RBM45: variants seen among roughly 807,000 people sequenced by gnomAD.
The protein encoded by RBM45 is RNA-binding protein 45.
A neutral mutation model predicts 58.5 loss-of-function variants in RBM45; 39 were observed. That is an observed-to-expected ratio of 0.67 (90% confidence interval 0.52 to 0.87). The LOEUF is 0.87. Among genes scored for constraint, RBM45 ranks in the 40% least tolerant of loss-of-function variants. The pLI is 0.00. For synonymous variants in RBM45, 193 were observed against 203.0 expected (o/e 0.95, Z 0.42); for missense variants, 481 against 581.6 (o/e 0.83, Z 1.78).
chr2:178,116,166 AAAAAGTC>A, intron 1 of RBM45, 89 bp from the exon 2 acceptor site: 1 of 1,454,892 alleles, frequency 6.9e-7, no homozygotes, highest in South Asian at 1.5e-5. Flanking sequence ...AAAGATTAAA[AAAAAGTC>A]ATTGCAAGAA....
chr2:178,130,892 A>G (rs774429910), downstream of RBM45, among the ~76,000 whole-genome samples: 1 of 152,228 alleles, frequency 6.6e-6, no homozygotes, highest in Non-Finnish European at 1.5e-5. Context: ...CTTCACAGGC[A>G]AAACTGCTGA....
intron 1 of RBM45, among the ~76,000 whole-genome samples, chr2:178,113,217 C>T (rs944055845): frequency 6.6e-6 from 1 of 152,214 alleles, no homozygotes; most frequent in East Asian, 1.9e-4. Flanking sequence ...TCTGACCTTC[C>T]TCTCTCAGAT....
At chr2:178,126,997 C>T (rs1407890244) in intron 9 of RBM45, among the ~76,000 whole-genome samples, 2 of 151,880 alleles carry the variant, frequency 1.3e-5, no homozygotes, top group South Asian at 2.1e-4. Flanking sequence ...AGTGCAGTGG[C>T]GAGATCTCGA....
At chr2:178,128,789 C>T (rs1025905563) in intron 9 of RBM45, among the ~76,000 whole-genome samples, 1 of 152,102 alleles carries the variant, frequency 6.6e-6, no homozygotes, top group African/African-American at 2.4e-5. Context: ...CTGCGGATCT[C>T]CTATTTACAA....
intron 5 of RBM45, 112 bp downstream of exon 5, chr2:178,121,471 AG>A (rs1373998995): frequency 1.8e-6 from 1 of 540,670 alleles, no homozygotes; most frequent in African/African-American, 2.0e-5. Flanking sequence ...GCTTTTCTCT[AG>A]TGGCACTTTT....
intron 2 of RBM45, among the ~76,000 whole-genome samples, chr2:178,116,867 G>A (rs895509246): frequency 6.6e-6 from 1 of 152,002 alleles, no homozygotes; most frequent in African/African-American, 2.4e-5. Context: ...GGCCTATGGT[G>A]TGTTGACATG....
At chr2:178,137,674 G>A (rs1574418466) in exon 4 of RBM45, 2 of 152,212 alleles carry the variant, frequency 1.3e-5, no homozygotes, top group South Asian at 4.1e-4. Flanking sequence ...GAATGGGGGA[G>A]TTCACAAAGG....
downstream of RBM45, chr2:178,129,730 T>C (rs2087985361): frequency 6.5e-6 from 1 of 152,692 alleles, no homozygotes; most frequent in African/African-American, 2.4e-5. Context: ...CTAAATGACA[T>C]ATGTCATTGA....
chr2:178,113,293 A>T (rs2105896514), intron 1 of RBM45, among the ~76,000 whole-genome samples: 1 of 124,790 alleles, frequency 8.0e-6, no homozygotes, highest in East Asian at 2.4e-4. Context: ...TGAGGCGTTA[A>T]CAACTTGACA....
chr2:178,117,441 C>T (rs1196227132), intron 2 of RBM45, among the ~76,000 whole-genome samples: 4 of 152,068 alleles, frequency 2.6e-5, no homozygotes, highest in African/African-American at 9.7e-5. Flanking sequence ...AAAGTAAACA[C>T]TACTGCATGT....
rs749506136 is a variant in RBM45 at position 178,126,020 on chromosome 2, A to G, written c.1269A>G (p.Ser423=). 2.5e-6 allele frequency: 4 copies of G among 1,613,868 alleles called. No individual in the cohort carries two copies. The highest frequency in any genetic ancestry group is 3.3e-5 in the Admixed American group (2 of 59,932). ...ACCTGATCGAAGTTTACCTTGTGTC[A>G]GGAAAAAATGTGGGGTATGCCAAGT... The part of the protein sequence containing the change: ...FGNLIEVYLV[S]GKNVGYAKYA... Residue 423 remains serine (S), a synonymous_variant, in exon 9 of 10, where the codon TCA becomes TCG. Coordinates refer to ENST00000286070, the MANE Select transcript of RBM45 (RefSeq NM_152945.4).
downstream of RBM45, among the ~76,000 whole-genome samples, chr2:178,132,433 G>C (rs1464674801): frequency 6.6e-6 from 1 of 152,186 alleles, no homozygotes; most frequent in African/African-American, 2.4e-5. Context: ...ATCCTATTCA[G>C]TATGAATGAA....
At chr2:178,114,501 T>C (rs942998965) in intron 1 of RBM45, among the ~76,000 whole-genome samples, 1 of 152,196 alleles carries the variant, frequency 6.6e-6, no homozygotes, top group African/African-American at 2.4e-5. Flanking sequence ...GAAATAAACT[T>C]TACTATTTTC....
chr2:178,117,983 A>C, intron 2 of RBM45, 72 bp from the exon 3 acceptor site: 4 of 1,322,508 alleles, frequency 3.0e-6, no homozygotes, highest in South Asian at 2.2e-5. Flanking sequence ...CATATAAACA[A>C]ATTTTTAGTT....
chr2:178,127,099 G>A (rs1474387169), intron 9 of RBM45, among the ~76,000 whole-genome samples: 1 of 152,056 alleles, frequency 6.6e-6, no homozygotes, highest in Non-Finnish European at 1.5e-5. Flanking sequence ...ACCACGCCTG[G>A]CTAATTTTTT....
chr2:178,122,836 T>C (rs1405786754), intron 5 of RBM45, among the ~76,000 whole-genome samples: 1 of 152,204 alleles, frequency 6.6e-6, no homozygotes, highest in Non-Finnish European at 1.5e-5. Flanking sequence ...TGAACATAAA[T>C]TATAAGTGTT....
chr2:178,112,759 C>T lies in RBM45; in HGVS notation c.213C>T (p.Val71=). 1 of 1,614,032 alleles carries T rather than the reference C, an allele frequency of 6.2e-7. No individual in the cohort carries two copies. The highest frequency in any genetic ancestry group is 2.2e-5 in the East Asian group (1 of 44,872). The change falls in exon 1 of 10, where the codon GTC becomes GTT. Residue 71 remains valine (V), a synonymous_variant. Coordinates refer to ENST00000286070, the MANE Select transcript of RBM45 (RefSeq NM_152945.4). The stretch of plus-strand genomic sequence containing the variant: ...AGGAGTCCAAGGGCATTGCTTTCGT[C>T]AAGTTCGCCCGCAGCTCACAGGCCT... ...HTKESKGIAF[V]KFARSSQACR...
At chr2:178,137,270 A>C (rs1272125952) in exon 4 of RBM45, 1 of 152,358 alleles carries the variant, frequency 6.6e-6, no homozygotes, top group East Asian at 1.9e-4. Flanking sequence ...GTGTGAAGCA[A>C]CAAGAACTGC....
At chr2:178,132,240 T>A (rs2088011694), downstream of RBM45, among the ~76,000 whole-genome samples, 1 of 152,234 alleles carries the variant, frequency 6.6e-6, no homozygotes. Flanking sequence ...AGCAACATGT[T>A]CCAAACTATG....
Sources: allele counts gnomAD v4.1 joint callset (sites outside exome capture counted in the v4.1 genomes callset), GRCh38; gene constraint gnomAD v4.1.1; transcripts MANE v1.5; gene names NCBI Gene and HGNC (gene_info 2026-07-23, HGNC 2026-07-21).